NPR3: variants seen among roughly 807,000 people sequenced by gnomAD.
NPR3 encodes natriuretic peptide receptor 3.
In NPR3, 34 loss-of-function variants were observed where a neutral mutation model predicts 54.5. The ratio of observed to expected loss-of-function variants is 0.62; its 90% confidence interval spans 0.47 to 0.83. The LOEUF (loss-of-function observed/expected upper bound fraction) is 0.83. NPR3 is among the 40% of genes least tolerant of loss of function. The pLI, the probability that NPR3 is intolerant of heterozygous loss-of-function variation, is 0.00. For synonymous variants in NPR3, 289 were observed against 297.1 expected (o/e 0.97, Z 0.28); for missense variants, 674 against 720.8 (o/e 0.94, Z 0.74).
intron 3 of NPR3, among the ~76,000 whole-genome samples, chr5:32,756,490 A>C (rs1056997532): frequency 1.3e-5 from 2 of 152,074 alleles, no homozygotes; most frequent in Admixed American, 6.6e-5. Flanking sequence ...TTCTTTGTAG[A>C]TTCCGGATAT....
At chr5:32,762,444 C>T (rs184641993) in intron 3 of NPR3, among the ~76,000 whole-genome samples, 1 of 114,530 alleles carries the variant, frequency 8.7e-6, no homozygotes, top group East Asian at 3.7e-4. Flanking sequence ...TCCACATCCT[C>T]TCCAGCATCT....
chr5:32,745,029 T>C (rs1464717561), intron 3 of NPR3, among the ~76,000 whole-genome samples: 1 of 152,212 alleles, frequency 6.6e-6, no homozygotes, highest in Non-Finnish European at 1.5e-5. Context: ...ACACACTTCC[T>C]CTACAGTGGT....
chr5:32,692,071 A>T (rs1355980349), intron 1 of NPR3, among the ~76,000 whole-genome samples: 1 of 152,244 alleles, frequency 6.6e-6, no homozygotes, highest in Non-Finnish European at 1.5e-5. Flanking sequence ...TGAAGAGAGC[A>T]ACGAAGGGGC....
At chr5:32,773,546 C>T (rs942399742) in intron 3 of NPR3, among the ~76,000 whole-genome samples, 1 of 152,142 alleles carries the variant, frequency 6.6e-6, no homozygotes, top group Non-Finnish European at 1.5e-5. Flanking sequence ...CAAAATACAC[C>T]AGGCTGTGAG....
At chr5:32,746,006 G>T (rs1461355881) in intron 3 of NPR3, among the ~76,000 whole-genome samples, 2 of 152,118 alleles carry the variant, frequency 1.3e-5, no homozygotes, top group African/African-American at 4.8e-5. Flanking sequence ...CATGAGAGCT[G>T]CATTCTTATG....
chr5:32,699,687 ATGT>A (rs1264920848), intron 1 of NPR3, among the ~76,000 whole-genome samples: 1 of 152,298 alleles, frequency 6.6e-6, no homozygotes, highest in African/African-American at 2.4e-5. Context: ...TGATTAGTTT[ATGT>A]TGTTGTCATT....
intron 1 of NPR3, among the ~76,000 whole-genome samples, chr5:32,714,806 G>A (rs1415711151): frequency 6.6e-6 from 1 of 152,122 alleles, no homozygotes; most frequent in Non-Finnish European, 1.5e-5. Context: ...TTACTTTACC[G>A]TAAGCACTTA....
At chr5:32,717,811 T>C (rs1033263976) in intron 1 of NPR3, among the ~76,000 whole-genome samples, 4 of 152,190 alleles carry the variant, frequency 2.6e-5, no homozygotes, top group Non-Finnish European at 4.4e-5. Flanking sequence ...AGGTTGCCTG[T>C]TCACTCTGAT....
At chr5:32,761,103 C>A (rs1482968025) in intron 3 of NPR3, among the ~76,000 whole-genome samples, 9 of 151,916 alleles carry the variant, frequency 5.9e-5, no homozygotes, top group African/African-American at 2.2e-4. Context: ...CAATGTGAGC[C>A]CCCTAATTTG....
chr5:32,718,902 A>G (rs2111870075), intron 1 of NPR3, among the ~76,000 whole-genome samples: 1 of 152,306 alleles, frequency 6.6e-6, no homozygotes, highest in South Asian at 2.1e-4. Context: ...AGGAGTGGTG[A>G]GAGAGGGCAT....
rs138049716 is a variant in NPR3, at chr5:32,693,120, C to CA, written c.100+3945dup. On this transcript the variant is annotated intron_variant, in intron 1 of 5. Transcript: ENST00000509104. ...CTGGGAACAGAGCAAGACCCTGTCT[C>CA]AAAAAAAAAAAGGGATCTTTGATCT... Among the ~76,000 whole-genome samples, 625 of 139,392 alleles carry CA rather than the reference C, an allele frequency of 4.5e-3. 1 individual carries two copies. The highest frequency in any genetic ancestry group is 0.015 in the African/African-American group (551 of 37,488). The allele number at this position is 139,392 out of a possible 152,430, so 91.4% of individuals were successfully genotyped here.
chr5:32,695,138 C>T (rs867105114), intron 1 of NPR3, among the ~76,000 whole-genome samples: 20 of 152,158 alleles, frequency 1.3e-4, no homozygotes, highest in African/African-American at 4.6e-4. Flanking sequence ...TCTCAATCTT[C>T]GCTATTGTGA....
In NPR3 at chr5:32,785,192, A is replaced by C. The variant is rs1742553011; in HGVS notation, c.1514+309A>C. Among the ~76,000 whole-genome samples, 5 of 112,346 alleles carry C rather than the reference A, an allele frequency of 4.5e-5. 1 individual carries two copies. The South Asian group carries it at 1.4e-3, about 30-fold the overall frequency. The allele number at this position is 112,346 out of a possible 152,430, so 73.7% of individuals were successfully genotyped here. On this transcript the variant is annotated intron_variant, in intron 7 of 7. Transcript: ENST00000265074. The stretch of plus-strand genomic sequence containing the variant: ...GAGACGGAGTCTCAGTCCCCCTGTT[A>C]CCCAGGCTGGAGTGCAGTGGCACGA...
chr5:32,731,491 ATACT>A (rs1739446386), intron 2 of NPR3, among the ~76,000 whole-genome samples: 1 of 152,198 alleles, frequency 6.6e-6, no homozygotes, highest in African/African-American at 2.4e-5. Context: ...GAGAATAATA[ATACT>A]TATCTTATGG....
chr5:32,761,465 T>C (rs1405738446), intron 3 of NPR3, among the ~76,000 whole-genome samples: 2 of 152,126 alleles, frequency 1.3e-5, no homozygotes, highest in East Asian at 3.8e-4. Context: ...CCATTTCCAA[T>C]TGTTCATTGC....
chr5:32,759,801 G>C (rs1741057427), intron 3 of NPR3, among the ~76,000 whole-genome samples: 1 of 152,114 alleles, frequency 6.6e-6, no homozygotes, highest in African/African-American at 2.4e-5. Flanking sequence ...GGCAGGCCTG[G>C]TGGTGACAAA....
At chr5:32,701,810 C>T (rs945465009) in intron 1 of NPR3, among the ~76,000 whole-genome samples, 7 of 152,196 alleles carry the variant, frequency 4.6e-5, no homozygotes, top group South Asian at 2.1e-4. Context: ...GGATGAGACA[C>T]GAAAGAGTAC....
At chr5:32,712,585 A>T (rs757126973) in intron 1 of NPR3, 40 bp downstream of exon 1, 6 of 1,489,226 alleles carry the variant, frequency 4.0e-6, no homozygotes, top group Non-Finnish European at 5.3e-6. Flanking sequence ...CCCTAACCCA[A>T]CCGCTCTCCG....
chr5:32,712,674 C>T, intron 1 of NPR3, 129 bp downstream of exon 1: 1 of 854,986 alleles, frequency 1.2e-6, no homozygotes, highest in South Asian at 1.9e-5. Context: ...CGCGGGCACT[C>T]GTTCAGGTAT....
Sources: gnomAD v4.1 joint callset for allele counts (sites outside exome capture counted in the v4.1 genomes callset) on GRCh38, gnomAD v4.1.1 for gene constraint, MANE v1.5 for transcripts, NCBI Gene and HGNC (gene_info 2026-07-23, HGNC 2026-07-21) for gene names.